SCARB2: variants seen among roughly 807,000 people sequenced by gnomAD.
The protein encoded by SCARB2 is scavenger receptor class B member 2, also known as lysosome membrane protein 2.
SCARB2 carries 29 observed loss-of-function variants against 58.6 expected under a neutral mutation model. That is an observed-to-expected ratio of 0.49 (90% CI 0.37 to 0.67). The LOEUF is 0.67. Among genes scored for constraint, SCARB2 ranks in the 30% least tolerant of loss-of-function variants. SCARB2 has a pLI of 0.00. For synonymous variants in SCARB2, 195 were observed against 210.1 expected, an observed-to-expected ratio of 0.93 and a Z score of 0.62; for missense variants, 488 against 578.5, an observed-to-expected ratio of 0.84 and a Z score of 1.60.
upstream of SCARB2, chr4:76,217,646 G>T: frequency 1.5e-6 from 1 of 655,098 alleles, no homozygotes; most frequent in South Asian, 1.7e-5. Flanking sequence ...CCAGCCTGCA[G>T]AACCATGAGC....
At chr4:76,199,010 T>C (rs932611383) in intron 1 of SCARB2, among the ~76,000 whole-genome samples, 1 of 152,224 alleles carries the variant, frequency 6.6e-6, no homozygotes, top group Non-Finnish European at 1.5e-5. Context: ...AGAATGGCAG[T>C]TACTATTCAG....
Position 76,225,186 on chromosome 4 carries a change from C to G in SCARB2, c.-358+9117G>C, listed in dbSNP as rs1248801619. 2.0e-5 allele frequency among the ~76,000 whole-genome samples: 3 copies of G among 152,158 alleles called. No individual in the cohort carries two copies. In the East Asian group the frequency reaches 5.8e-4, roughly 29 times the overall value. ...ATACCACATTTTCTTTATCCACTCG[C>G]ACTCGTTGGCACTTGAGCTGGTTCC... is the stretch of plus-strand genomic sequence containing the variant. On this transcript the variant is annotated intron_variant, in intron 1 of 11. Transcript: ENST00000638295.
intron 1 of SCARB2, among the ~76,000 whole-genome samples, chr4:76,199,803 A>G (rs939639220): frequency 2.6e-5 from 4 of 152,148 alleles, no homozygotes; most frequent in Admixed American, 2.0e-4. Context: ...TGAGGAACCG[A>G]AAAAGGGAGA....
Position 76,161,315 on chromosome 4 carries a change from A to G in SCARB2, c.*398T>C, listed in dbSNP as rs1215151190. ...ATACAACATAAAATGGTATATACGC[A>G]TTTTGAGCACAAAGTTCGGTGAATG... On this transcript the variant is annotated 3_prime_UTR_variant, in exon 12 of 12. Transcript: ENST00000264896. 1 of 248,910 alleles carries G rather than the reference A, an allele frequency of 4.0e-6. No individual in the cohort carries two copies. The highest frequency in any genetic ancestry group is 7.9e-6 in the Non-Finnish European group (1 of 125,810). 15.4% of individuals were successfully genotyped at this position (248,910 alleles called of 1,614,324 possible). A position where few individuals can be genotyped will look rare whatever the true frequency, so the allele number is the denominator to read the frequency against.
intron 1 of SCARB2, among the ~76,000 whole-genome samples, chr4:76,205,342 C>A (rs1472740139): frequency 2.7e-5 from 4 of 146,168 alleles, no homozygotes; most frequent in African/African-American, 1.0e-4. Flanking sequence ...AAAACAAAAA[C>A]AAAAACAAAA....
At chr4:76,205,950 C>T (rs775551941) in intron 1 of SCARB2, among the ~76,000 whole-genome samples, 12 of 152,106 alleles carry the variant, frequency 7.9e-5, no homozygotes, top group Non-Finnish European at 1.6e-4. Context: ...GCGCAAAGGA[C>T]GGTGGGTGCT....
chr4:76,216,061 G>A (rs765749508), upstream of SCARB2, among the ~76,000 whole-genome samples: 4 of 152,098 alleles, frequency 2.6e-5, no homozygotes, highest in Admixed American at 6.5e-5. Flanking sequence ...AACCTGGTGG[G>A]GTCCTGAATG....
intron 1 of SCARB2, among the ~76,000 whole-genome samples, chr4:76,205,283 G>A (rs1168040729): frequency 6.6e-6 from 1 of 151,972 alleles, no homozygotes; most frequent in Admixed American, 6.6e-5. Flanking sequence ...CCATGGTAGT[G>A]GCACTGTACT....
rs1732082994 is a variant in SCARB2 at position 76,169,441 on chromosome 4, G to GA, written c.1113+425_1113+426insT. 3.3e-5 allele frequency among the ~76,000 whole-genome samples: 5 copies of GA among 152,148 alleles called. No homozygotes were observed. The South Asian group carries it at 1.0e-3, about 32-fold the overall frequency. The stretch of plus-strand genomic sequence containing the variant: ...AAAGAAGTTTGCCAAAAGTGACTGA[G>GA]GTTAATATACATATTCATATTTCAA... On this transcript the variant is annotated intron_variant, in intron 8 of 11. Transcript: ENST00000264896.
At chr4:76,190,238 A>G (rs142282356) in intron 2 of SCARB2, among the ~76,000 whole-genome samples, 4,192 of 151,806 alleles carry the variant, frequency 0.028, 150 homozygotes, top group African/African-American at 0.087. Flanking sequence ...TCGAACTCCT[A>G]AGCTCAAGTG....
chr4:76,166,053 T>C (rs866333744), intron 10 of SCARB2, 197 bp downstream of exon 10: 11 of 655,020 alleles, frequency 1.7e-5, no homozygotes, highest in Non-Finnish European at 2.7e-5. Context: ...AAAATTTCTT[T>C]CCATCATTTC....
intron 7 of SCARB2, among the ~76,000 whole-genome samples, chr4:76,172,014 ATAC>A (rs202197453): frequency 1.3e-5 from 2 of 149,498 alleles, no homozygotes; most frequent in African/African-American, 4.9e-5. Flanking sequence ...CTATATATAT[ATAC>A]TATATACATA....
rs73826394 is a variant in SCARB2 at position 76,206,391 on chromosome 4, A to G, written c.117+7036T>C. Reference sequence around the variant, plus strand: ...CTACCACACAGAACTTGGTATGACGAGTACCAAAGAACATCCACATGTTTC... The same window carrying G: ...CTACCACACAGAACTTGGTATGACGGGTACCAAAGAACATCCACATGTTTC... On this transcript the variant is annotated intron_variant, in intron 1 of 11. Transcript: ENST00000264896. 8.1e-3 allele frequency among the ~76,000 whole-genome samples: 1,231 copies of G among 152,248 alleles called. 14 individuals are homozygous for G. Among genetic ancestry groups the G allele is most frequent in the African/African-American group, 0.027 (1,116 of 41,540 alleles).
intron 9 of SCARB2, chr4:76,166,549 TAGTCTCCTTAG>T: frequency 3.5e-6 from 2 of 571,418 alleles, no homozygotes; most frequent in Non-Finnish European, 6.3e-6. Context: ...AAATGATGAC[TAGTCTCCTTAG>T]AGTCATCAGG....
chr4:76,226,112 C>CA (rs55720841), intron 1 of SCARB2, among the ~76,000 whole-genome samples: 97,806 of 151,766 alleles, frequency 0.64, 33,518 homozygotes, highest in Non-Finnish European at 0.78. Flanking sequence ...CCGACGGAGT[C>CA]AAAGGAATGA....
intron 6 of SCARB2, chr4:76,175,441 G>GTC: frequency 3.0e-6 from 1 of 337,106 alleles, no homozygotes; most frequent in Non-Finnish European, 5.7e-6. Context: ...ATGGGCCCTG[G>GTC]GCTAAGTATT....
At chr4:76,211,158 C>T (rs1002242770) in intron 1 of SCARB2, among the ~76,000 whole-genome samples, 4 of 152,156 alleles carry the variant, frequency 2.6e-5, no homozygotes, top group Admixed American at 6.5e-5. Context: ...GGTCCTGAAG[C>T]TTATACAATT....
chr4:76,222,685 T>G (rs983760279), intron 1 of SCARB2, among the ~76,000 whole-genome samples: 3 of 152,242 alleles, frequency 2.0e-5, no homozygotes, highest in Non-Finnish European at 2.9e-5. Context: ...CTTGTCACTG[T>G]TGAAGTTCTC....
chr4:76,172,204 ATATATATG>A (rs57460342), intron 7 of SCARB2, among the ~76,000 whole-genome samples: 4,030 of 148,694 alleles, frequency 0.027, 164 homozygotes, highest in African/African-American at 0.093. Context: ...TCAGTTGTAT[ATATATATG>A]TATATATACA....
Sources: allele counts gnomAD v4.1 joint callset (sites outside exome capture counted in the v4.1 genomes callset), GRCh38; gene constraint gnomAD v4.1.1; transcripts MANE v1.5; gene names NCBI Gene and HGNC (gene_info 2026-07-23, HGNC 2026-07-21).